The following TRAK1 variants were observed in gnomAD, a reference collection of about 807,000 sequenced individuals.
TRAK1 encodes trafficking kinesin-binding protein 1.
TRAK1 carries 33 observed loss-of-function variants against 92.1 expected under a neutral mutation model. The observed-to-expected ratio is 0.36, with a 90% CI of 0.27 to 0.48. TRAK1 has a LOEUF of 0.48. Among genes scored for constraint, TRAK1 ranks in the 20% least tolerant of loss-of-function variants. The pLI, the probability that TRAK1 is intolerant of heterozygous loss-of-function variation, is 0.99. For synonymous variants in TRAK1, 521 were observed against 517.3 expected (o/e 1.01, Z -0.10); for missense variants, 1,123 against 1,257.9 (o/e 0.89, Z 1.62).
At chr3:42,069,782 A>T (rs1162822322) in intron 1 of TRAK1, among the ~76,000 whole-genome samples, 1 of 152,196 alleles carries the variant, frequency 6.6e-6, no homozygotes, top group Non-Finnish European at 1.5e-5. Flanking sequence ...TTTAACAGTT[A>T]TATAACTGCT....
intron 1 of TRAK1, among the ~76,000 whole-genome samples, chr3:42,073,098 C>T (rs1704004930): frequency 1.3e-5 from 2 of 152,354 alleles, no homozygotes; most frequent in South Asian, 4.1e-4. Flanking sequence ...ACATACAAGT[C>T]TGCCCTGAAG....
At chr3:42,203,715 A>G in intron 13 of TRAK1, 1 of 984,980 alleles carries the variant, frequency 1.0e-6, no homozygotes, top group Non-Finnish European at 1.2e-6. Flanking sequence ...CCAACTTTAA[A>G]AAAATTATTG....
At chr3:42,117,317 A>T (rs1269747437) in intron 1 of TRAK1, among the ~76,000 whole-genome samples, 1 of 150,706 alleles carries the variant, frequency 6.6e-6, no homozygotes, top group Non-Finnish European at 1.5e-5. Context: ...CTTTCTCCAA[A>T]CTCTTGAAAC....
chr3:42,206,383 C>T (rs570423447), intron 13 of TRAK1, among the ~76,000 whole-genome samples: 40 of 152,282 alleles, frequency 2.6e-4, no homozygotes, highest in African/African-American at 8.2e-4. Flanking sequence ...TCTAGAAAGC[C>T]ATTCAGTTGT....
chr3:42,179,900 A>G (rs1031720161), intron 3 of TRAK1, among the ~76,000 whole-genome samples: 4 of 151,264 alleles, frequency 2.6e-5, no homozygotes, highest in Non-Finnish European at 5.9e-5. Flanking sequence ...TCTTGTTTTT[A>G]TCCTTTTTTT....
chr3:42,191,724 T>G, intron 7 of TRAK1, 88 bp downstream of exon 7: 1 of 1,418,258 alleles, frequency 7.1e-7, no homozygotes, highest in East Asian at 2.5e-5. Flanking sequence ...AAGTGCAGTC[T>G]CCTGCCAGCC....
intron 3 of TRAK1, among the ~76,000 whole-genome samples, chr3:42,179,034 C>G (rs1462415944): frequency 6.6e-6 from 1 of 152,134 alleles, no homozygotes; most frequent in East Asian, 1.9e-4. Flanking sequence ...TTATTTGAAT[C>G]TCTCACATTT....
chr3:42,121,969 C>A (rs539593026), intron 1 of TRAK1, among the ~76,000 whole-genome samples: 1 of 152,068 alleles, frequency 6.6e-6, no homozygotes, highest in South Asian at 2.1e-4. Flanking sequence ...CAGCGTGCGC[C>A]GCTATGCCTG....
chr3:42,189,264 G>T lies in TRAK1; in HGVS notation c.690+140G>T. Reference sequence around the variant, plus strand: ...GCTGTACCAGGCGCTCGGCAGATGTGCCTCCTCTATGCTCTGGGCACTGCC... The same window carrying T: ...GCTGTACCAGGCGCTCGGCAGATGTTCCTCCTCTATGCTCTGGGCACTGCC... On this transcript the variant is annotated intron_variant, in intron 6 of 15. Transcript: ENST00000327628. The T allele has an allele frequency of 4.6e-6, 3 of 645,786 alleles. No individual in the cohort carries two copies. The South Asian group carries it at 5.7e-5, about 12-fold the overall frequency. 40.0% of individuals were successfully genotyped at this position (645,786 alleles called of 1,614,324 possible).
At chr3:42,036,358 T>A (rs1051773283) in intron 1 of TRAK1, among the ~76,000 whole-genome samples, 5 of 152,252 alleles carry the variant, frequency 3.3e-5, no homozygotes, top group African/African-American at 1.2e-4. Context: ...ATTTACTGAA[T>A]GACTAAAATG....
intron 1 of TRAK1, among the ~76,000 whole-genome samples, chr3:42,099,965 G>A (rs1238066307): frequency 2.0e-5 from 3 of 152,084 alleles, no homozygotes; most frequent in Non-Finnish European, 4.4e-5. Context: ...GTCCAGGTGA[G>A]GATGCAGCAC....
chr3:42,121,553 C>CT (rs1290654660), intron 1 of TRAK1, among the ~76,000 whole-genome samples: 2 of 152,250 alleles, frequency 1.3e-5, no homozygotes, highest in East Asian at 3.9e-4. Context: ...GCCACTGCGC[C>CT]TGGCCTCCTG....
chr3:42,014,008 G>C (rs1373539999), exon 1 of TRAK1: 1 of 149,866 alleles, frequency 6.7e-6, no homozygotes, highest in Admixed American at 6.7e-5. Context: ...GGAGGGAACC[G>C]AAGCCGCCGG....
intron 1 of TRAK1, among the ~76,000 whole-genome samples, chr3:42,047,979 G>T (rs1233306804): frequency 1.4e-5 from 2 of 141,296 alleles, no homozygotes; most frequent in East Asian, 2.0e-4. Flanking sequence ...AACAGTAATA[G>T]GATGGTGAAT....
At chr3:42,151,310 C>A (rs1258211766) in intron 2 of TRAK1, 1 of 456,060 alleles carries the variant, frequency 2.2e-6, no homozygotes, top group Non-Finnish European at 4.4e-6. Flanking sequence ...ATCTGGGTAT[C>A]CATCAGAAGG....
At chr3:42,173,318 C>T (rs867230611) in intron 2 of TRAK1, among the ~76,000 whole-genome samples, 13 of 152,262 alleles carry the variant, frequency 8.5e-5, no homozygotes, top group South Asian at 4.2e-4. Flanking sequence ...AACTTGACCA[C>T]GGTTGATTGA....
chr3:42,156,101 C>T (rs576110065), intron 2 of TRAK1, among the ~76,000 whole-genome samples: 1 of 152,342 alleles, frequency 6.6e-6, no homozygotes, highest in Admixed American at 6.5e-5. Flanking sequence ...TTCACACCTC[C>T]AGCTCCAGGC....
At chr3:42,036,462 T>G (rs1284988806) in intron 1 of TRAK1, among the ~76,000 whole-genome samples, 1 of 152,188 alleles carries the variant, frequency 6.6e-6, no homozygotes, top group African/African-American at 2.4e-5. Flanking sequence ...TCTGCCAGGG[T>G]AGATAGATGG....
At chr3:42,118,672 C>T (rs1308129549) in intron 1 of TRAK1, among the ~76,000 whole-genome samples, 1 of 152,254 alleles carries the variant, frequency 6.6e-6, no homozygotes, top group Non-Finnish European at 1.5e-5. Flanking sequence ...ACACTTTCTT[C>T]ACTCCCTGGT....
Sources: allele counts gnomAD v4.1 joint callset (sites outside exome capture counted in the v4.1 genomes callset), GRCh38; gene constraint gnomAD v4.1.1; transcripts MANE v1.5; gene names NCBI Gene and HGNC (gene_info 2026-07-23, HGNC 2026-07-21).